Variants in TIAM1 observed in about 807,000 individuals in gnomAD.
TIAM1 encodes TIAM Rac1 associated GEF 1, also known as rho guanine nucleotide exchange factor TIAM1.
A neutral mutation model predicts 163.5 loss-of-function variants in TIAM1; 65 were observed. The ratio of observed to expected loss-of-function variants is 0.40; its 90% confidence interval spans 0.33 to 0.49. The LOEUF (loss-of-function observed/expected upper bound fraction) is 0.49, where lower values mean the gene tolerates loss of function less well. TIAM1 is among the 20% of genes least tolerant of loss of function. The probability of loss-of-function intolerance (pLI) is 0.77; values close to 1 mark genes in which losing one functional copy is unlikely to be tolerated. For missense variants in TIAM1, 1,789 were observed against 2,044.7 expected, an observed-to-expected ratio of 0.87 and a Z score of 2.41; for synonymous variants, 833 against 810.1, an observed-to-expected ratio of 1.03 and a Z score of -0.48.
intron 2 of TIAM1, among the ~76,000 whole-genome samples, chr21:31,463,123 G>A (rs2045394637): frequency 6.6e-6 from 1 of 152,112 alleles, no homozygotes; most frequent in African/African-American, 2.4e-5. Context: ...AGAGGTAACT[G>A]CTCTACCAGG....
chr21:31,133,520 G>T (rs1256676530), intron 23 of TIAM1, among the ~76,000 whole-genome samples: 1 of 152,198 alleles, frequency 6.6e-6, no homozygotes, highest in African/African-American at 2.4e-5. Flanking sequence ...GAGTAATGTA[G>T]AGTCCACTAT....
At chr21:31,557,129 G>A (rs143917789) in intron 1 of TIAM1, among the ~76,000 whole-genome samples, 3,861 of 152,282 alleles carry the variant, frequency 0.025, 69 homozygotes, top group Non-Finnish European at 0.035. Flanking sequence ...GAAGAAGAAA[G>A]AAGAAACAAC....
At chr21:31,465,575 C>CT (rs71193124) in intron 1 of TIAM1, among the ~76,000 whole-genome samples, 35,460 of 145,618 alleles carry the variant, frequency 0.24, 4,333 homozygotes, top group South Asian at 0.28. Flanking sequence ...TAGTGATCTT[C>CT]TTTTTTTTTT....
intron 1 of TIAM1, among the ~76,000 whole-genome samples, chr21:31,464,704 G>T (rs575634777): frequency 2.0e-5 from 3 of 152,018 alleles, no homozygotes; most frequent in Non-Finnish European, 4.4e-5. Context: ...TTAGCCAGGC[G>T]TGGGGGCATG....
intron 16 of TIAM1, among the ~76,000 whole-genome samples, chr21:31,156,568 C>A (rs1224167922): frequency 1.3e-5 from 2 of 152,120 alleles, no homozygotes; most frequent in Non-Finnish European, 2.9e-5. Context: ...TTCACTAACT[C>A]AAAATCATCA....
intron 2 of TIAM1, among the ~76,000 whole-genome samples, chr21:31,285,619 G>A (rs930289355): frequency 1.3e-5 from 2 of 152,176 alleles, no homozygotes; most frequent in Non-Finnish European, 2.9e-5. Context: ...CAGCACTTTG[G>A]GGGGCCAAGG....
At chr21:31,501,614 G>C (rs1042754925) in intron 1 of TIAM1, among the ~76,000 whole-genome samples, 1 of 139,602 alleles carries the variant, frequency 7.2e-6, no homozygotes, top group African/African-American at 2.7e-5. Flanking sequence ...TTGTTTGTTT[G>C]TTTTTTGAGA....
upstream of TIAM1, among the ~76,000 whole-genome samples, chr21:31,347,809 A>C (rs845930): frequency 0.67 from 99,677 of 149,240 alleles, 32,959 homozygotes; most frequent in Middle Eastern, 0.79. Context: ...AACCCTGACA[A>C]CTTTATGCAC....
intron 2 of TIAM1, among the ~76,000 whole-genome samples, chr21:31,308,183 G>A (rs960904185): frequency 4.6e-5 from 7 of 152,130 alleles, no homozygotes; most frequent in Admixed American, 2.0e-4. Flanking sequence ...CCTAGGAGGT[G>A]GAAGTTGCAG....
chr21:31,225,012 C>A (rs974850699), intron 7 of TIAM1, among the ~76,000 whole-genome samples: 4 of 151,950 alleles, frequency 2.6e-5, no homozygotes, highest in African/African-American at 7.3e-5. Flanking sequence ...ATAGATATAT[C>A]TCTCTCTATA....
chr21:31,489,520 AAGGGAGGG>A (rs560144126), intron 1 of TIAM1, among the ~76,000 whole-genome samples: 15 of 105,876 alleles, frequency 1.4e-4, no homozygotes, highest in East Asian at 2.9e-4. Flanking sequence ...GGAGGGAAGG[AAGGGAGGG>A]AGGGAGGGAG....
Position 31,439,976 on chromosome 21 carries a change from T to A in TIAM1, c.-369+24007A>T, listed in dbSNP as rs370586244. Among the ~76,000 whole-genome samples, 19 of 152,236 alleles carry A rather than the reference T, an allele frequency of 1.2e-4. No homozygotes were observed. In the East Asian group the frequency reaches 1.9e-3, roughly 15 times the overall value. ...CTGATGCTTCCGATTGTCAATAGGG[T>A]CTTGATCACCGGCAATGTAACCTTG... is the stretch of plus-strand genomic sequence containing the variant. On this transcript the variant is annotated intron_variant, in intron 2 of 28. Coordinates refer to the TIAM1 transcript ENST00000286827.
chr21:31,430,523 T>TAATA (rs1252788249), intron 2 of TIAM1, among the ~76,000 whole-genome samples: 1 of 151,664 alleles, frequency 6.6e-6, no homozygotes, highest in Non-Finnish European at 1.5e-5. Flanking sequence ...GTATTATGTA[T>TAATA]AATAAACAAA....
At chr21:31,366,783 A>C (rs1283495366) in intron 2 of TIAM1, among the ~76,000 whole-genome samples, 4 of 152,070 alleles carry the variant, frequency 2.6e-5, no homozygotes, top group Non-Finnish European at 1.5e-5. Context: ...ATGCCTGGCC[A>C]ATTTTTCTAT....
Position 31,275,881 on chromosome 21 carries a change from G to T in TIAM1, c.-12+851C>A, listed in dbSNP as rs558265843. Among the ~76,000 whole-genome samples, 32 of 152,224 alleles carry T rather than the reference G, an allele frequency of 2.1e-4. No individual in the cohort carries two copies. The East Asian group carries it at 5.8e-3, about 28-fold the overall frequency. ...ATCTGACCATAAGGCATTTAATGAT[G>T]TAAGTTATAATGATTAATAATATAA... On this transcript the variant is annotated intron_variant, in intron 3 of 27. Coordinates refer to ENST00000541036, the MANE Select transcript of TIAM1 (RefSeq NM_001353694.2).
chr21:31,536,100 C>A (rs1006778445), intron 1 of TIAM1, among the ~76,000 whole-genome samples: 5 of 152,070 alleles, frequency 3.3e-5, no homozygotes, highest in African/African-American at 1.2e-4. Context: ...GCAGAGAGGC[C>A]GGGGGTTGAT....
chr21:31,240,038 A>G (rs2071084954), intron 6 of TIAM1, among the ~76,000 whole-genome samples: 1 of 152,176 alleles, frequency 6.6e-6, no homozygotes, highest in Admixed American at 6.5e-5. Context: ...AGTGCTCACA[A>G]CAACATTGCT....
intron 2 of TIAM1, among the ~76,000 whole-genome samples, chr21:31,419,029 G>C (rs372865326): frequency 6.6e-6 from 1 of 152,054 alleles, no homozygotes; most frequent in African/African-American, 2.4e-5. Context: ...GAGATCTGCC[G>C]GGCACACCAG....
chr21:31,387,972 G>C (rs2076904500), intron 2 of TIAM1, among the ~76,000 whole-genome samples: 1 of 151,990 alleles, frequency 6.6e-6, no homozygotes, highest in Admixed American at 6.5e-5. Context: ...CATGAGATCT[G>C]GTTGTTTAAA....
Sources: allele counts gnomAD v4.1 joint callset (sites outside exome capture counted in the v4.1 genomes callset), GRCh38; gene constraint gnomAD v4.1.1; transcripts MANE v1.5; gene names NCBI Gene and HGNC (gene_info 2026-07-23, HGNC 2026-07-21).